The following DPP6 variants were observed in gnomAD, a reference collection of about 807,000 sequenced individuals.
DPP6 encodes the protein dipeptidyl peptidase like 6, also known as A-type potassium channel modulatory protein DPP6.
DPP6 carries 69 observed loss-of-function variants against 122.6 expected under a neutral mutation model. The ratio of observed to expected loss-of-function variants is 0.56; its 90% confidence interval spans 0.46 to 0.69. The LOEUF is 0.69. Ranked by LOEUF, DPP6 falls within the 30% of genes least tolerant of loss-of-function variation. The probability of loss-of-function intolerance (pLI) is 0.00; values close to 1 mark genes in which losing one functional copy is unlikely to be tolerated. For synonymous variants in DPP6, 418 were observed against 433.1 expected (o/e 0.97, Z 0.43); for missense variants, 928 against 1,116.9 (o/e 0.83, Z 2.41).
Position 154,801,220 on chromosome 7 carries a change from C to G in DPP6, c.1300-135C>G, listed in dbSNP as rs563824829. On this transcript the variant is annotated intron_variant, in intron 12 of 25. Coordinates refer to ENST00000377770, the MANE Select transcript of DPP6 (RefSeq NM_130797.4). ...CGAGGAAAGTGACGGCCTCATCAAG[C>G]ACTTATTATTTCAACTGTTCCTCTC... 1.3e-5 allele frequency: 16 copies of G among 1,253,710 alleles called. No homozygotes were observed. The African/African-American group carries it at 2.1e-4, about 17-fold the overall frequency. 77.7% of individuals were successfully genotyped at this position (1,253,710 alleles called of 1,614,324 possible). A position where few individuals can be genotyped will look rare whatever the true frequency, so the allele number is the denominator to read the frequency against.
intron 5 of DPP6, among the ~76,000 whole-genome samples, chr7:154,617,826 A>G (rs1176287710): frequency 6.6e-6 from 1 of 152,222 alleles, no homozygotes; most frequent in Admixed American, 6.5e-5. Context: ...AGTTAAAGAC[A>G]GAAGGTTTAG....
chr7:154,000,334 TG>T (rs1169998994), intron 1 of DPP6, among the ~76,000 whole-genome samples: 1 of 152,188 alleles, frequency 6.6e-6, no homozygotes, highest in East Asian at 1.9e-4. Flanking sequence ...GCTAGCTCAT[TG>T]CGGATTGGGG....
chr7:154,788,807 C>T (rs1797495798), intron 10 of DPP6, among the ~76,000 whole-genome samples: 1 of 152,202 alleles, frequency 6.6e-6, no homozygotes, highest in Non-Finnish European at 1.5e-5. Context: ...TGTAGAAGCA[C>T]TGCTCTTCCC....
chr7:154,571,703 T>C (rs777629968), intron 5 of DPP6, among the ~76,000 whole-genome samples: 1 of 152,152 alleles, frequency 6.6e-6, no homozygotes, highest in African/African-American at 2.4e-5. Context: ...GATTTTAAGA[T>C]TTTTTTCCTA....
intron 1 of DPP6, among the ~76,000 whole-genome samples, chr7:154,318,269 G>T (rs1422628439): frequency 6.6e-6 from 1 of 152,220 alleles, no homozygotes; most frequent in Non-Finnish European, 1.5e-5. Flanking sequence ...TATGAGAGTT[G>T]TTAATGACAT....
At chr7:154,263,482 A>G (rs2150919511) in intron 1 of DPP6, among the ~76,000 whole-genome samples, 1 of 152,328 alleles carries the variant, frequency 6.6e-6, no homozygotes, top group Admixed American at 6.5e-5. Context: ...CTGCAGCTTT[A>G]GAATATTGGA....
intron 4 of DPP6, among the ~76,000 whole-genome samples, chr7:154,559,583 C>T (rs1830277186): frequency 6.6e-6 from 1 of 151,946 alleles, no homozygotes; most frequent in Non-Finnish European, 1.5e-5. Context: ...ACAAATAGAA[C>T]ATCTTAATGG....
intron 1 of DPP6, among the ~76,000 whole-genome samples, chr7:154,253,463 C>G (rs1337171758): frequency 6.6e-6 from 1 of 152,252 alleles, no homozygotes; most frequent in Non-Finnish European, 1.5e-5. Context: ...TACCTACACA[C>G]TAACCTTATG....
intron 1 of DPP6, among the ~76,000 whole-genome samples, chr7:154,183,190 G>A (rs2150750599): frequency 6.6e-6 from 1 of 152,182 alleles, no homozygotes; most frequent in Non-Finnish European, 1.5e-5. Context: ...TCATGAAGCT[G>A]ATTTTTTCTC....
chr7:153,979,756 G>C (rs1045520029), intron 1 of DPP6, among the ~76,000 whole-genome samples: 28 of 152,110 alleles, frequency 1.8e-4, no homozygotes, highest in Non-Finnish European at 3.5e-4. Flanking sequence ...TAGCATGAGG[G>C]GGTGTTGAAT....
chr7:154,100,384 G>A (rs558719651), intron 1 of DPP6, among the ~76,000 whole-genome samples: 17 of 84,670 alleles, frequency 2.0e-4, no homozygotes, highest in African/African-American at 8.1e-4. Flanking sequence ...TCCAGCTCCT[G>A]AATAGCAATT....
rs537457448 is a variant in DPP6 at position 154,437,009 on chromosome 7, T to C, written c.244-9205T>C. Among the ~76,000 whole-genome samples the C allele has an allele frequency of 5.3e-5, 8 of 152,342 alleles. No homozygotes were observed. In the South Asian group the frequency reaches 1.5e-3, roughly 28 times the overall value. On this transcript the variant is annotated intron_variant, in intron 1 of 25. Coordinates refer to ENST00000377770, the MANE Select transcript of DPP6 (RefSeq NM_130797.4). ...TCAGAGGTTGTGATTTGCATGGCTA[T>C]ATGGCATTCTGTTACATGGAATACA...
chr7:154,571,137 G>A (rs1028322846), intron 5 of DPP6, among the ~76,000 whole-genome samples: 1 of 151,978 alleles, frequency 6.6e-6, no homozygotes, highest in Non-Finnish European at 1.5e-5. Flanking sequence ...GTTAGACATT[G>A]GAGAAATAGC....
rs1383701100 is a variant in DPP6 at position 154,165,278 on chromosome 7, T to C, written c.243+112215T>C. ...GGTGTTTGGTTTTTTGTTCTTGCGA[T>C]AGTTTACTGAGAATGATGATTTCCA... On this transcript the variant is annotated intron_variant, in intron 1 of 25. Transcript: ENST00000377770. 8.2e-5 allele frequency among the ~76,000 whole-genome samples: 12 copies of C among 145,850 alleles called. 1 individual carries two copies. The highest frequency in any genetic ancestry group is 3.0e-4 in the African/African-American group (11 of 36,702).
chr7:154,170,743 G>C (rs535056725), intron 1 of DPP6, among the ~76,000 whole-genome samples: 120 of 152,220 alleles, frequency 7.9e-4, no homozygotes, highest in Non-Finnish European at 1.3e-3. Flanking sequence ...TTACAAGTGA[G>C]ATATCCACAG....
intron 1 of DPP6, among the ~76,000 whole-genome samples, chr7:154,408,058 T>C (rs1816271683): frequency 6.6e-6 from 1 of 152,212 alleles, no homozygotes; most frequent in Non-Finnish European, 1.5e-5. Context: ...TTGCTGTTGT[T>C]GTCATAATTA....
At chr7:153,852,710 A>G in the DPP6 span, among the ~76,000 whole-genome samples, 1 of 152,212 alleles carries the variant, frequency 6.6e-6, no homozygotes, top group African/African-American at 2.4e-5. Context: ...TATTTATGAA[A>G]AAAATAGTTT....
At chr7:154,827,556 C>A (rs1283041510) in intron 16 of DPP6, among the ~76,000 whole-genome samples, 1 of 151,942 alleles carries the variant, frequency 6.6e-6, no homozygotes, top group Non-Finnish European at 1.5e-5. Flanking sequence ...CGTGGGAAAT[C>A]AGAGCCTAAG....
intron 1 of DPP6, among the ~76,000 whole-genome samples, chr7:154,155,713 A>G (rs575263081): frequency 6.6e-6 from 1 of 152,296 alleles, no homozygotes; most frequent in Admixed American, 6.5e-5. Flanking sequence ...CCAGGAACCT[A>G]TAAGTTTCAG....
Sources: gnomAD v4.1 joint callset for allele counts (sites outside exome capture counted in the v4.1 genomes callset) on GRCh38, gnomAD v4.1.1 for gene constraint, MANE v1.5 for transcripts, NCBI Gene and HGNC (gene_info 2026-07-23, HGNC 2026-07-21) for gene names.